The following ADARB2 variants were observed in gnomAD, a reference collection of about 807,000 sequenced individuals.
ADARB2 encodes inactive double-stranded RNA-specific editase B2.
In ADARB2, 25 loss-of-function variants were observed where a neutral mutation model predicts 62.2. The ratio of observed to expected loss-of-function variants is 0.40; its 90% CI spans 0.29 to 0.56. The LOEUF is 0.56. ADARB2 is among the 20% of genes least tolerant of loss of function. The probability of loss-of-function intolerance (pLI) is 0.43; values close to 1 mark genes in which losing one functional copy is unlikely to be tolerated. For missense variants in ADARB2, 1,071 were observed against 1,077.4 expected (o/e 0.99, Z 0.08); for synonymous variants, 572 against 500.8 (o/e 1.14, Z -1.90).
At chr10:1,326,839 C>CT (rs1831856175) in intron 3 of ADARB2, among the ~76,000 whole-genome samples, 5 of 95,640 alleles carry the variant, frequency 5.2e-5, no homozygotes, top group East Asian at 3.2e-4. Context: ...CGCCTCCCCA[C>CT]GGCCCAGCGC....
At chr10:1,606,442 G>C (rs900916722) in intron 1 of ADARB2, among the ~76,000 whole-genome samples, 2 of 152,098 alleles carry the variant, frequency 1.3e-5, no homozygotes, top group Admixed American at 6.6e-5. Context: ...GCCCAAGGAA[G>C]GGACGTGGGA....
intron 6 of ADARB2, among the ~76,000 whole-genome samples, chr10:1,221,507 G>A (rs1390614187): frequency 1.3e-5 from 2 of 151,556 alleles, no homozygotes; most frequent in African/African-American, 2.4e-5. Context: ...ATGTTGGTGT[G>A]CTGCACCCAG....
At chr10:1,618,761 A>G (rs1336811516) in intron 1 of ADARB2, among the ~76,000 whole-genome samples, 1 of 152,226 alleles carries the variant, frequency 6.6e-6, no homozygotes, top group Non-Finnish European at 1.5e-5. Context: ...TGAATTAAAT[A>G]CAAATAAAAG....
At chr10:1,350,894 C>T (rs1478566169) in intron 3 of ADARB2, among the ~76,000 whole-genome samples, 1 of 152,152 alleles carries the variant, frequency 6.6e-6, no homozygotes, top group Non-Finnish European at 1.5e-5. Context: ...CAATGTATTT[C>T]TGAGTTGCAA....
intron 1 of ADARB2, among the ~76,000 whole-genome samples, chr10:1,655,212 C>G (rs1438081437): frequency 1.3e-5 from 2 of 152,204 alleles, no homozygotes; most frequent in African/African-American, 4.8e-5. Context: ...TGTGCTATGA[C>G]AGTTCATTGT....
chr10:1,704,417 T>TG lies in ADARB2; in HGVS notation c.100+32633dup, dbSNP rs1834861921. 2.0e-5 allele frequency among the ~76,000 whole-genome samples: 3 copies of TG among 152,206 alleles called. No homozygotes were observed. The highest frequency in any genetic ancestry group is 4.4e-5 in the Non-Finnish European group (3 of 68,028). On this transcript the variant is annotated intron_variant, in intron 1 of 9. Transcript: ENST00000381312. This position sits in a 1 kb window ranked among gnomAD's most constrained non-coding sequence, Gnocchi z 5.6. The stretch of plus-strand genomic sequence containing the variant: ...AGGCATTAGATTTTCATAAGGAGTC[T>TG]GCAACCTGGATCCCTTACAAGCACA...
intron 1 of ADARB2, among the ~76,000 whole-genome samples, chr10:1,565,799 T>A (rs956754180): frequency 1.5e-4 from 23 of 152,126 alleles, no homozygotes; most frequent in Admixed American, 9.8e-4. Context: ...AGAAGATTCC[T>A]GGAAAGAAGG....
intron 1 of ADARB2, among the ~76,000 whole-genome samples, chr10:1,533,801 G>T (rs556391527): frequency 3.3e-5 from 5 of 152,140 alleles, no homozygotes; most frequent in African/African-American, 1.2e-4. Context: ...AGTCCTGTGC[G>T]GAAGAGAAGC....
At chr10:1,670,777 A>C (rs1032445803) in intron 1 of ADARB2, among the ~76,000 whole-genome samples, 1 of 152,216 alleles carries the variant, frequency 6.6e-6, no homozygotes, top group Non-Finnish European at 1.5e-5. Context: ...GCTGTCCAGC[A>C]GGTTTCTGCT....
At chr10:1,553,639 G>A (rs943759006) in intron 1 of ADARB2, among the ~76,000 whole-genome samples, 1 of 152,214 alleles carries the variant, frequency 6.6e-6, no homozygotes, top group South Asian at 2.1e-4. Context: ...TTCTCTGTTT[G>A]ATTTCCAACA....
intron 4 of ADARB2, among the ~76,000 whole-genome samples, chr10:1,264,458 CTG>C (rs1407134317): frequency 1.3e-5 from 2 of 152,178 alleles, no homozygotes; most frequent in African/African-American, 4.8e-5. Context: ...GAAGTTTTAA[CTG>C]TATTTAAACT....
chr10:1,197,416 C>T (rs376617602), intron 8 of ADARB2, among the ~76,000 whole-genome samples: 7 of 152,322 alleles, frequency 4.6e-5, no homozygotes, highest in Admixed American at 1.3e-4. Flanking sequence ...CATTTCAGTA[C>T]GTATCTAACT....
In ADARB2 at chr10:1,570,083, A is replaced by G. The variant is rs565932106; in HGVS notation, c.100+166968T>C. On this transcript the variant is annotated intron_variant, in intron 1 of 9. Coordinates refer to ENST00000381312, the MANE Select transcript of ADARB2 (RefSeq NM_018702.4). ...CACCGAGAACAAGATTTGTTGTCTC[A>G]TTCACATACAAACGTATATACGTTA... 4.9e-4 allele frequency among the ~76,000 whole-genome samples: 75 copies of G among 152,302 alleles called. 2 individuals carry two copies. Among genetic ancestry groups the G allele is most frequent in the African/African-American group, 1.7e-3 (72 of 41,566 alleles).
intron 1 of ADARB2, among the ~76,000 whole-genome samples, chr10:1,523,913 A>G (rs1169258843): frequency 2.0e-5 from 3 of 152,208 alleles, no homozygotes; most frequent in African/African-American, 4.8e-5. Flanking sequence ...TCTCTAATCA[A>G]CCTGATCTGT....
chr10:1,472,352 C>G (rs149515633), intron 1 of ADARB2, among the ~76,000 whole-genome samples: 1 of 151,896 alleles, frequency 6.6e-6, no homozygotes, highest in African/African-American at 2.4e-5. Flanking sequence ...CCAGGTGTGA[C>G]GAGCTCTGTG....
chr10:1,555,386 G>T (rs905516394), intron 1 of ADARB2, among the ~76,000 whole-genome samples: 6 of 152,092 alleles, frequency 3.9e-5, no homozygotes, highest in African/African-American at 1.4e-4. Context: ...CTTATTTTTT[G>T]ACTTTTTAAT....
At chr10:1,594,222 C>G (rs1280335002) in intron 1 of ADARB2, among the ~76,000 whole-genome samples, 3 of 152,150 alleles carry the variant, frequency 2.0e-5, no homozygotes, top group Admixed American at 6.6e-5. Flanking sequence ...ATCCAGGAGG[C>G]AGAGGTTGCA....
At chr10:1,364,648 A>C (rs1045199445) in intron 2 of ADARB2, among the ~76,000 whole-genome samples, 2 of 152,242 alleles carry the variant, frequency 1.3e-5, no homozygotes, top group Non-Finnish European at 2.9e-5. Context: ...TTAGTCCCTA[A>C]ACAATACAGT....
chr10:1,280,629 G>C (rs1274665381), intron 3 of ADARB2, among the ~76,000 whole-genome samples: 1 of 151,232 alleles, frequency 6.6e-6, no homozygotes, highest in Non-Finnish European at 1.5e-5. Context: ...CCTGAGTGAT[G>C]CTCCGTGAAA....
Sources: gnomAD v4.1 joint callset for allele counts (sites outside exome capture counted in the v4.1 genomes callset) on GRCh38, gnomAD v4.1.1 for gene constraint, Gnocchi (gnomAD v3.1) non-coding constraint, MANE v1.5 for transcripts, NCBI Gene and HGNC (gene_info 2026-07-23, HGNC 2026-07-21) for gene names.